GFRA2: variants seen among roughly 807,000 people sequenced by gnomAD.
The protein encoded by GFRA2 is GDNF family receptor alpha 2.
GFRA2 carries 17 observed loss-of-function variants against 48.3 expected under a neutral mutation model. That is an observed-to-expected ratio of 0.35 (90% confidence interval 0.24 to 0.53). The LOEUF is 0.53. Ranked by LOEUF, GFRA2 falls within the 20% of genes least tolerant of loss-of-function variation. The pLI is 0.93. For synonymous variants in GFRA2, 305 were observed against 257.2 expected, an observed-to-expected ratio of 1.19 and a Z score of -1.78; for missense variants, 660 against 637.3, an observed-to-expected ratio of 1.04 and a Z score of -0.38.
intron 4 of GFRA2, among the ~76,000 whole-genome samples, chr8:21,734,238 T>C (rs932237596): frequency 6.6e-6 from 1 of 152,228 alleles, no homozygotes; most frequent in Non-Finnish European, 1.5e-5. Context: ...TTGCCAAGAT[T>C]GGGCTAGCCT....
chr8:21,804,073 C>G (rs1157865105), intron 2 of GFRA2, among the ~76,000 whole-genome samples: 1 of 152,180 alleles, frequency 6.6e-6, no homozygotes, highest in Non-Finnish European at 1.5e-5. Flanking sequence ...TTCTTCAACT[C>G]ATAACATATC....
At chr8:21,696,875 A>C (rs942732243) in intron 7 of GFRA2, among the ~76,000 whole-genome samples, 2 of 147,618 alleles carry the variant, frequency 1.4e-5, no homozygotes, top group Admixed American at 6.8e-5. Flanking sequence ...GGAAACAGGA[A>C]AGAGGAAGAG....
Position 21,750,755 on chromosome 8 carries a change from G to T in GFRA2, c.627C>A (p.Asp209Glu). ...KCHKALRQFF[D>E]RVPSEYTYRM... ...GGTAGGTGTACTCGCTGGGCACCCG[G>T]TCGAAGAACTGGCGCAGGGCCTTGT... Residue 209 changes from aspartate (D) to glutamate (E), a missense_variant, in exon 4 of 9, where the codon GAC (aspartate) becomes GAA (glutamate). Coordinates refer to ENST00000524240, the MANE Select transcript of GFRA2 (RefSeq NM_001495.5). The surrounding 1 kb of genome is among the most constrained non-coding windows in gnomAD (Gnocchi z 5.7). 6.2e-7 allele frequency: 1 copy of T among 1,614,020 alleles called. No individual in the cohort carries two copies. The highest frequency in any genetic ancestry group is 8.5e-7 in the Non-Finnish European group (1 of 1,179,898).
At position 21,782,905 on chromosome 8, in the gene GFRA2, T is replaced by C; in HGVS notation, c.41-6A>G. 6.5e-7 allele frequency: 1 copy of C among 1,546,126 alleles called. No individual in the cohort carries two copies. Among genetic ancestry groups the C allele is most frequent in the Non-Finnish European group, 8.7e-7 (1 of 1,152,734 alleles). ...CAAAGAGCGGAGGGTCTCGTCTGGG[T>C]GGTGGGGAGGGAAGACAAGCATGAA... On this transcript the variant is annotated splice_polypyrimidine_tract_variant and splice_region_variant and intron_variant, in intron 1 of 8. Coordinates refer to ENST00000524240, the MANE Select transcript of GFRA2 (RefSeq NM_001495.5).
rs1805229233 is a variant in GFRA2, at chr8:21,750,390, A to G, written c.794+198T>C. Among the ~76,000 whole-genome samples, 1 of 152,260 alleles carries G rather than the reference A, an allele frequency of 6.6e-6. No homozygotes were observed. The highest frequency in any genetic ancestry group is 2.4e-5 in the African/African-American group (1 of 41,472). ...TGAACAAATGAATGAATAAAGAAGTAGATGGATGGATGAATGGATGAATGA... is the reference window on the plus strand; with the variant it reads ...TGAACAAATGAATGAATAAAGAAGTGGATGGATGGATGAATGGATGAATGA... On this transcript the variant is annotated intron_variant, in intron 4 of 8. Transcript: ENST00000524240. The surrounding 1 kb of genome is among the most constrained non-coding windows in gnomAD (Gnocchi z 5.7).
At chr8:21,791,596 A>G (rs985622275), upstream of GFRA2, among the ~76,000 whole-genome samples, 77 of 152,184 alleles carry the variant, frequency 5.1e-4, 1 homozygote, top group South Asian at 0.011. Context: ...AACATGTACT[A>G]TAACACCTTA....
intron 6 of GFRA2, among the ~76,000 whole-genome samples, chr8:21,703,584 C>G (rs1802591984): frequency 6.6e-6 from 1 of 152,224 alleles, no homozygotes; most frequent in Non-Finnish European, 1.5e-5. Context: ...CTAGGCGTCT[C>G]CTCCTACCCT....
At chr8:21,708,099 G>A (rs1229565350) in intron 4 of GFRA2, among the ~76,000 whole-genome samples, 1 of 152,216 alleles carries the variant, frequency 6.6e-6, no homozygotes. Flanking sequence ...GCAGGCCCCA[G>A]TGCTCCTGTG....
chr8:21,742,424 A>C (rs1716861811), intron 4 of GFRA2, among the ~76,000 whole-genome samples: 1 of 152,178 alleles, frequency 6.6e-6, no homozygotes, highest in Non-Finnish European at 1.5e-5. Flanking sequence ...GCCTTTATGG[A>C]TCAAGGTGCC....
intron 3 of GFRA2, among the ~76,000 whole-genome samples, chr8:21,768,069 G>A (rs967509648): frequency 4.3e-4 from 65 of 152,268 alleles, no homozygotes; most frequent in African/African-American, 1.1e-3. Context: ...CCCAAGCGCC[G>A]TGAGAGTCAC....
chr8:21,780,649 C>T (rs1054115066), intron 2 of GFRA2, among the ~76,000 whole-genome samples: 5 of 152,104 alleles, frequency 3.3e-5, no homozygotes, highest in Non-Finnish European at 7.4e-5. Flanking sequence ...GGCCCCAAAA[C>T]AGATTCCCCA....
At chr8:21,792,514 G>A (rs1807590461), upstream of GFRA2, among the ~76,000 whole-genome samples, 1 of 152,176 alleles carries the variant, frequency 6.6e-6, no homozygotes, top group Non-Finnish European at 1.5e-5. Flanking sequence ...AACGGCTGTG[G>A]GGAATACAGC....
At chr8:21,760,817 A>C (rs73219561) in intron 3 of GFRA2, among the ~76,000 whole-genome samples, 13,908 of 152,214 alleles carry the variant, frequency 0.091, 683 homozygotes, top group Non-Finnish European at 0.1. Context: ...CCTTATGTTC[A>C]ATGGAGGCCA....
At chr8:21,768,966 A>G (rs1222687363) in intron 3 of GFRA2, among the ~76,000 whole-genome samples, 19 of 152,176 alleles carry the variant, frequency 1.2e-4, no homozygotes, top group African/African-American at 2.7e-4. Flanking sequence ...CACCAGGAAC[A>G]TCATTCCCAC....
At position 21,788,383 on chromosome 8, in the gene GFRA2, C is replaced by A; in HGVS notation, c.-224G>T. 2 of 1,337,642 alleles carry A rather than the reference C, an allele frequency of 1.5e-6. No individual in the cohort carries two copies. Among genetic ancestry groups the A allele is most frequent in the South Asian group, 3.9e-5 (2 of 50,880 alleles). The allele number at this position is 1,337,642 out of a possible 1,614,324, so 82.9% of individuals were successfully genotyped here. On this transcript the variant is annotated 5_prime_UTR_variant, in exon 1 of 9. Coordinates refer to ENST00000524240, the MANE Select transcript of GFRA2 (RefSeq NM_001495.5). ...CGATGGGCTGCTGCCTCTCGACGCC[C>A]CCCTTGCCCGCTACAATCAAATATA...
intron 3 of GFRA2, among the ~76,000 whole-genome samples, chr8:21,758,634 C>A (rs1805711372): frequency 6.6e-6 from 1 of 152,148 alleles, no homozygotes; most frequent in Non-Finnish European, 1.5e-5. Context: ...CCAGGTAAAT[C>A]TCTGTGCCTT....
At chr8:21,789,609 C>T (rs981848013), upstream of GFRA2, among the ~76,000 whole-genome samples, 11 of 152,232 alleles carry the variant, frequency 7.2e-5, no homozygotes, top group Admixed American at 6.5e-4. Flanking sequence ...GGCGCCGGCC[C>T]CGCGCGCCCC....
intron 2 of GFRA2, among the ~76,000 whole-genome samples, chr8:21,794,439 C>A (rs1490111782): frequency 3.3e-5 from 5 of 151,180 alleles, no homozygotes; most frequent in African/African-American, 1.2e-4. Context: ...TTAGTAGAGA[C>A]AAGGTTTCAC....
intron 4 of GFRA2, among the ~76,000 whole-genome samples, chr8:21,710,122 G>T (rs1047279988): frequency 6.6e-6 from 1 of 152,186 alleles, no homozygotes; most frequent in African/African-American, 2.4e-5. Context: ...GCATGGCCAC[G>T]CTCCATCTCT....
Sources: gnomAD v4.1 joint callset for allele counts (sites outside exome capture counted in the v4.1 genomes callset) on GRCh38, gnomAD v4.1.1 for gene constraint, Gnocchi (gnomAD v3.1) non-coding constraint, MANE v1.5 for transcripts, NCBI Gene and HGNC (gene_info 2026-07-23, HGNC 2026-07-21) for gene names.